Variants in HMCN1 observed in about 807,000 individuals in gnomAD.
The protein encoded by HMCN1 is hemicentin-1.
In HMCN1, 321 loss-of-function variants were observed where a neutral mutation model predicts 625.9. The observed-to-expected ratio is 0.51, with a 90% CI of 0.47 to 0.56. HMCN1 has a LOEUF of 0.56. HMCN1 is among the 20% of genes least tolerant of loss of function. The probability of loss-of-function intolerance (pLI) is 0.00; values close to 1 mark genes in which losing one functional copy is unlikely to be tolerated. For synonymous variants in HMCN1, 2,425 were observed against 2,417.6 expected (o/e 1.00, Z -0.09); for missense variants, 6,588 against 6,887.3 (o/e 0.96, Z 1.54).
intron 30 of HMCN1, 75 bp downstream of exon 30, chr1:186,007,357 C>A: frequency 7.6e-7 from 1 of 1,317,432 alleles, no homozygotes; most frequent in Non-Finnish European, 1.1e-6. Context: ...CTGGTAACTA[C>A]ACTCTTATTT....
At chr1:186,006,345 C>A (rs942585589) in intron 29 of HMCN1, among the ~76,000 whole-genome samples, 1 of 151,904 alleles carries the variant, frequency 6.6e-6, no homozygotes, top group Non-Finnish European at 1.5e-5. Context: ...TAAGTCATTG[C>A]AACTTTTAAA....
intron 1 of HMCN1, among the ~76,000 whole-genome samples, chr1:185,842,880 A>G (rs576334804): frequency 6.6e-6 from 1 of 152,294 alleles, no homozygotes; most frequent in East Asian, 1.9e-4. Flanking sequence ...TTCTCCTTTC[A>G]CAGAATGGAG....
intron 11 of HMCN1, among the ~76,000 whole-genome samples, chr1:185,949,999 G>C (rs1433659826): frequency 8.6e-5 from 13 of 151,870 alleles, no homozygotes; most frequent in Admixed American, 8.5e-4. Context: ...AGCATAACCT[G>C]CCTTTGCTGG....
In HMCN1 at chr1:186,000,186, T is replaced by A; in HGVS notation, c.4016T>A (p.Val1339Glu). The change falls in exon 26 of 107, where the codon GTG becomes GAG. Residue 1339 changes from valine (V) to glutamate (E), a missense_variant. Physicochemically the swap from Val to Glu is moderately radical, Grantham distance 121. Around this residue, in one of 3 missense-constraint regions of HMCN1, gnomAD observed 4,628 missense variants for 4,853.1 expected, o/e 0.95. Transcript: ENST00000271588. Reference protein sequence around the residue: ...TPYDNGEYICVAVNEAGTTER... With the variant: ...TPYDNGEYICEAVNEAGTTER... ...TATGACAATGGGGAGTACATCTGTG[T>A]GGCAGTCAATGAAGCTGGAACCACA... 1 of 1,613,224 alleles carries A rather than the reference T, an allele frequency of 6.2e-7. No individual in the cohort carries two copies. Among genetic ancestry groups the A allele is most frequent in the South Asian group, 1.1e-5 (1 of 91,064 alleles).
chr1:186,086,757 C>CATAG (rs916576650), intron 58 of HMCN1, among the ~76,000 whole-genome samples: 7 of 150,656 alleles, frequency 4.6e-5, no homozygotes, highest in Admixed American at 6.6e-5. Context: ...AGATGATAGA[C>CATAG]ATAGATAGAT....
At chr1:185,999,985 G>T in intron 25 of HMCN1, 60 bp from the exon 26 acceptor site, 1 of 1,180,426 alleles carries the variant, frequency 8.5e-7, no homozygotes, top group South Asian at 1.3e-5. Flanking sequence ...TGATATATTT[G>T]ATATTTAATA....
At chr1:185,839,218 G>A (rs1661342142) in intron 1 of HMCN1, among the ~76,000 whole-genome samples, 1 of 152,018 alleles carries the variant, frequency 6.6e-6, no homozygotes, top group African/African-American at 2.4e-5. Context: ...CCTAACTAAT[G>A]ACTAGATTTA....
intron 67 of HMCN1, among the ~76,000 whole-genome samples, chr1:186,094,841 A>G (rs1660044688): frequency 6.6e-6 from 1 of 152,152 alleles, no homozygotes; most frequent in African/African-American, 2.4e-5. Context: ...AGAACACCTC[A>G]GTTAAGTAAC....
At chr1:185,939,279 T>C (rs751971683) in intron 11 of HMCN1, among the ~76,000 whole-genome samples, 3 of 152,196 alleles carry the variant, frequency 2.0e-5, no homozygotes, top group Non-Finnish European at 2.9e-5. Context: ...TTGATATGCT[T>C]ATTTCATTAT....
intron 43 of HMCN1, 29 bp from the exon 44 acceptor site, chr1:186,053,796 C>T (rs200390903): frequency 1.9e-5 from 31 of 1,610,882 alleles, no homozygotes; most frequent in Non-Finnish European, 2.6e-5. Context: ...ATTTCTGCCT[C>T]ATATTCTGCC....
chr1:185,741,035 A>T (rs1362326419), intron 1 of HMCN1, among the ~76,000 whole-genome samples: 1 of 152,046 alleles, frequency 6.6e-6, no homozygotes. Context: ...AGTTGTTAAA[A>T]AGAGTCTGGC....
intron 46 of HMCN1, among the ~76,000 whole-genome samples, chr1:186,059,284 C>T (rs1458006589): frequency 1.3e-5 from 2 of 152,014 alleles, no homozygotes; most frequent in African/African-American, 4.8e-5. Flanking sequence ...AAAGCCTAAA[C>T]ACATTATCTT....
At position 186,144,187 on chromosome 1, in the gene HMCN1, A is replaced by G. The variant is rs199888050; in HGVS notation, c.13939A>G (p.Ser4647Gly). Residue 4647 changes from serine (S) to glycine (G), a missense_variant, in exon 90 of 107, where the codon AGC (serine) becomes GGC (glycine). Coordinates refer to ENST00000271588, the MANE Select transcript of HMCN1 (RefSeq NM_031935.3). ...IRPCPVHGAW[S>G]AWQPWGTCSE... ...GGTGTTTGCAGTTCATGGAGCATGG[A>G]GCGCTTGGCAGCCTTGGGGAACATG... 2.1e-5 allele frequency: 33 copies of G among 1,606,526 alleles called. No homozygotes were observed. Among genetic ancestry groups the G allele is most frequent in the Non-Finnish European group, 2.6e-5 (31 of 1,176,150 alleles).
At chr1:185,833,219 A>G (rs58375153) in intron 1 of HMCN1, among the ~76,000 whole-genome samples, 5,900 of 152,274 alleles carry the variant, frequency 0.039, 393 homozygotes, top group African/African-American at 0.13. Context: ...GTTCGATTCT[A>G]TTCCAGGTTG....
At chr1:185,737,979 C>A (rs1313134928) in intron 1 of HMCN1, among the ~76,000 whole-genome samples, 1 of 152,036 alleles carries the variant, frequency 6.6e-6, no homozygotes, top group Non-Finnish European at 1.5e-5. Flanking sequence ...ATGTAAGAAG[C>A]GCTGTGTTGA....
rs771121234 is a variant in HMCN1 at position 186,018,292 on chromosome 1, C to A, written c.5410C>A (p.Arg1804=). ...QAQVSNTGLY[R]CMAANTAGDH... ...TCAAGTGTCAAACACAGGCCTTTATCGGTGCATGGCAGCAAATACTGCTGG... is the reference window on the plus strand; with the variant it reads ...TCAAGTGTCAAACACAGGCCTTTATAGGTGCATGGCAGCAAATACTGCTGG... The change falls in exon 34 of 107, where the codon CGG becomes AGG. Residue 1804 remains arginine, a synonymous_variant. Coordinates refer to ENST00000271588, the MANE Select transcript of HMCN1 (RefSeq NM_031935.3). 2 of 1,612,708 alleles carry A rather than the reference C, an allele frequency of 1.2e-6. No homozygotes were observed. The highest frequency in any genetic ancestry group is 3.3e-5 in the Admixed American group (2 of 59,884).
Position 186,171,999 on chromosome 1 carries a change from TA to T in HMCN1, c.15689-6del, listed in dbSNP as rs1652261291. ...TTAATCTACATTACCTTTGTTCTTT[TA>T]TCAAGATGTGAACGAGTGTAGACAA... On this transcript the variant is annotated splice_region_variant and splice_polypyrimidine_tract_variant and intron_variant, in intron 101 of 106. Transcript: ENST00000271588. 1.2e-6 allele frequency: 2 copies of T among 1,612,988 alleles called. No homozygotes were observed. The highest frequency in any genetic ancestry group is 8.5e-7 in the Non-Finnish European group (1 of 1,179,208).
intron 1 of HMCN1, among the ~76,000 whole-genome samples, chr1:185,799,900 A>G (rs959209479): frequency 2.6e-5 from 4 of 152,144 alleles, no homozygotes; most frequent in African/African-American, 7.2e-5. Context: ...TCCCTGTCCC[A>G]TGTTCTGCCA....
chr1:186,018,950 A>G (rs1654542813), intron 34 of HMCN1, among the ~76,000 whole-genome samples: 1 of 152,034 alleles, frequency 6.6e-6, no homozygotes, highest in East Asian at 1.9e-4. Flanking sequence ...GAAACTGGAG[A>G]GCCACTTGGA....
Sources: gnomAD v4.1 joint callset for allele counts (sites outside exome capture counted in the v4.1 genomes callset) on GRCh38, gnomAD v4.1.1 for gene constraint, gnomAD v4.1.1 regional missense constraint, MANE v1.5 for transcripts, NCBI Gene and HGNC (gene_info 2026-07-23, HGNC 2026-07-21) for gene names.